TGFA: variants seen among roughly 807,000 people sequenced by gnomAD.
The protein encoded by TGFA is transforming growth factor alpha.
In TGFA, 12 loss-of-function variants were observed where a neutral mutation model predicts 21.7. The observed-to-expected ratio is 0.55, with a 90% CI of 0.35 to 0.90. TGFA has a LOEUF of 0.90. Ranked by LOEUF, TGFA falls within the 40% of genes least tolerant of loss-of-function variation. The probability of loss-of-function intolerance (pLI) is 0.01; values close to 1 mark genes in which losing one functional copy is unlikely to be tolerated. For missense variants in TGFA, 178 were observed against 210.8 expected (o/e 0.84, Z 0.96); for synonymous variants, 79 against 88.1 (o/e 0.90, Z 0.58).
Position 70,500,933 on chromosome 2 carries a change from AT to A in TGFA, c.94+13925del, listed in dbSNP as rs537780910. Reference sequence around the variant, plus strand: ...TTAATTGGGTGTAATCCTTTTCTCTATTTTGTTTTTGTTGCCTGTGCTTTTA... The same window carrying A: ...TTAATTGGGTGTAATCCTTTTCTCTATTTGTTTTTGTTGCCTGTGCTTTTA... On this transcript the variant is annotated intron_variant, in intron 2 of 5. Transcript: ENST00000295400. 1.0e-4 allele frequency among the ~76,000 whole-genome samples: 15 copies of A among 148,452 alleles called. No homozygotes were observed. In the East Asian group the frequency reaches 3.0e-3, roughly 29 times the overall value.
chr2:70,455,770 C>A (rs1670209366), intron 4 of TGFA, among the ~76,000 whole-genome samples: 1 of 152,126 alleles, frequency 6.6e-6, no homozygotes, highest in Non-Finnish European at 1.5e-5. Flanking sequence ...GGGGCCAGGA[C>A]ACACCTGAAA....
At chr2:70,553,520 CG>C in intron 1 of TGFA, 1 of 1,372,414 alleles carries the variant, frequency 7.3e-7, no homozygotes, top group Non-Finnish European at 9.4e-7. Context: ...GCCACTTTCC[CG>C]GGGAAGCCTC....
chr2:70,518,798 C>G (rs1244514826), intron 1 of TGFA, among the ~76,000 whole-genome samples: 2 of 152,198 alleles, frequency 1.3e-5, no homozygotes, highest in African/African-American at 4.8e-5. Context: ...GGCCCCTGAC[C>G]ACCTCAGCAG....
At chr2:70,520,655 C>T (rs955516747) in intron 1 of TGFA, among the ~76,000 whole-genome samples, 2 of 152,128 alleles carry the variant, frequency 1.3e-5, no homozygotes, top group African/African-American at 4.8e-5. Context: ...CGTGGGACAG[C>T]AACTACCCGA....
intron 1 of TGFA, among the ~76,000 whole-genome samples, chr2:70,547,840 T>TAGAGATATATATATCTATATATAG (rs1673362169): frequency 6.8e-6 from 1 of 146,940 alleles, no homozygotes; most frequent in Non-Finnish European, 1.5e-5. Flanking sequence ...TAGATATATA[T>TAGAGATATATATATCTATATATAG]AGAGATATAT....
At chr2:70,471,224 G>A (rs1205316621) in intron 2 of TGFA, among the ~76,000 whole-genome samples, 4 of 151,938 alleles carry the variant, frequency 2.6e-5, no homozygotes, top group Admixed American at 6.6e-5. Flanking sequence ...TGTGCACCAT[G>A]TGCAGAACGG....
chr2:70,536,677 T>G (rs1335434898), intron 1 of TGFA, among the ~76,000 whole-genome samples: 5 of 152,202 alleles, frequency 3.3e-5, no homozygotes, highest in Non-Finnish European at 7.3e-5. Flanking sequence ...CTTATCAAAA[T>G]GTGTGGGATG....
chr2:70,519,436 AT>A (rs1553501977), intron 1 of TGFA, among the ~76,000 whole-genome samples: 1 of 152,214 alleles, frequency 6.6e-6, no homozygotes, highest in African/African-American at 2.4e-5. Context: ...AAATCACTAA[AT>A]TGTATGATTT....
intron 1 of TGFA, among the ~76,000 whole-genome samples, chr2:70,543,146 T>C (rs1673184312): frequency 6.6e-6 from 1 of 151,954 alleles, no homozygotes; most frequent in African/African-American, 2.4e-5. Flanking sequence ...AAGGGTTTTT[T>C]CCCTCTAAAT....
chr2:70,500,152 C>T (rs1553498922), intron 2 of TGFA, among the ~76,000 whole-genome samples: 1 of 152,182 alleles, frequency 6.6e-6, no homozygotes, highest in African/African-American at 2.4e-5. Flanking sequence ...AAGCACTCCA[C>T]AGCTGCATGT....
chr2:70,481,825 T>C (rs1210102503), intron 2 of TGFA, among the ~76,000 whole-genome samples: 1 of 152,132 alleles, frequency 6.6e-6, no homozygotes, highest in Non-Finnish European at 1.5e-5. Context: ...CTCCCAACAA[T>C]AGCTTGTAAG....
intron 1 of TGFA, 75 bp from the exon 2 acceptor site, chr2:70,514,987 G>A: frequency 7.0e-7 from 1 of 1,432,940 alleles, no homozygotes; most frequent in Non-Finnish European, 9.7e-7. Context: ...TTAGAGGGCA[G>A]GCCCTTTGAC....
At position 70,539,698 on chromosome 2, in the gene TGFA, GC is replaced by G. The variant is rs1209480246; in HGVS notation, c.40+14029del. Among the ~76,000 whole-genome samples the G allele has an allele frequency of 2.6e-5, 4 of 152,170 alleles. No homozygotes were observed. In the East Asian group the frequency reaches 7.7e-4, roughly 29 times the overall value. On this transcript the variant is annotated intron_variant, in intron 1 of 5. Transcript: ENST00000295400. ...TTGAACTCCTGACCTCAAGTGATCT[GC>G]CCGCCTCGGCCTCCCAAAGTGCTGG...
At chr2:70,527,472 G>A (rs1246521198) in intron 1 of TGFA, among the ~76,000 whole-genome samples, 1 of 152,170 alleles carries the variant, frequency 6.6e-6, no homozygotes, top group East Asian at 1.9e-4. Flanking sequence ...TGTAGCACAG[G>A]CAATTTTTAG....
chr2:70,491,811 C>T (rs1186863501), intron 2 of TGFA, among the ~76,000 whole-genome samples: 8 of 152,302 alleles, frequency 5.3e-5, no homozygotes, highest in African/African-American at 1.9e-4. Flanking sequence ...ATGGCTCTGT[C>T]AGTTTCCTAC....
chr2:70,502,618 C>CTGA (rs1671770685), intron 2 of TGFA, among the ~76,000 whole-genome samples: 1 of 152,178 alleles, frequency 6.6e-6, no homozygotes, highest in Non-Finnish European at 1.5e-5. Context: ...CCACACCCAG[C>CTGA]TGATCTGTTC....
At chr2:70,471,490 G>A (rs1476271722) in intron 2 of TGFA, among the ~76,000 whole-genome samples, 1 of 152,222 alleles carries the variant, frequency 6.6e-6, no homozygotes, top group African/African-American at 2.4e-5. Context: ...CTTTACTAAA[G>A]CCATCTCCAA....
intron 3 of TGFA, 68 bp from the exon 4 acceptor site, chr2:70,456,556 G>A (rs1670236188): frequency 2.0e-6 from 3 of 1,512,612 alleles, no homozygotes; most frequent in South Asian, 2.5e-5. Context: ...TCTCCAGGGA[G>A]GGCTTTCCTG....
intron 2 of TGFA, among the ~76,000 whole-genome samples, chr2:70,492,689 G>T (rs370559832): frequency 3.3e-5 from 5 of 152,080 alleles, no homozygotes; most frequent in Admixed American, 6.5e-5. Context: ...AACTGAATTC[G>T]TGTAAAGTAG....
Sources: gnomAD v4.1 joint callset for allele counts (sites outside exome capture counted in the v4.1 genomes callset) on GRCh38, gnomAD v4.1.1 for gene constraint, MANE v1.5 for transcripts, NCBI Gene and HGNC (gene_info 2026-07-23, HGNC 2026-07-21) for gene names.